Variants in IQCJ observed in about 807,000 individuals in gnomAD.
The protein encoded by IQCJ is IQ motif containing J, also known as IQ domain-containing protein J.
IQCJ carries 9 observed loss-of-function variants against 11.0 expected under a neutral mutation model. That is an observed-to-expected ratio of 0.82 (90% CI 0.49 to 1.43). IQCJ has a LOEUF of 1.43. Among genes scored for constraint, IQCJ ranks in the 40% most tolerant of loss-of-function variants. The pLI is 0.00. For synonymous variants in IQCJ, 55 were observed against 51.3 expected, an observed-to-expected ratio of 1.07 and a Z score of -0.31; for missense variants, 146 against 133.2, an observed-to-expected ratio of 1.10 and a Z score of -0.47.
At chr3:159,187,676 C>T (rs552256044) in intron 1 of IQCJ, among the ~76,000 whole-genome samples, 38 of 152,180 alleles carry the variant, frequency 2.5e-4, no homozygotes, top group Non-Finnish European at 5.3e-4. Context: ...CAGGGAAGCT[C>T]GAAGGATGGC....
chr3:159,090,911 A>T (rs946541533), intron 1 of IQCJ, among the ~76,000 whole-genome samples: 6 of 151,980 alleles, frequency 3.9e-5, no homozygotes, highest in African/African-American at 1.5e-4. Context: ...GGAATAAGGG[A>T]TAAAATGTGG....
rs184918675 is a variant in IQCJ at position 159,229,912 on chromosome 3, T to G, written c.10-15931T>G. The stretch of plus-strand genomic sequence containing the variant: ...GCCACCTCAACCACAGTTTTGTTAA[T>G]TTTTTTTTAAATTTCAGCTTTGATT... On this transcript the variant is annotated intron_variant, in intron 1 of 3. Transcript: ENST00000397832. Among the ~76,000 whole-genome samples, 610 of 133,144 alleles carry G rather than the reference T, an allele frequency of 4.6e-3. 3 individuals are homozygous for G. The highest frequency in any genetic ancestry group is 7.7e-3 in the Non-Finnish European group (487 of 62,972). The allele number at this position is 133,144 out of a possible 152,430, so 87.3% of individuals were successfully genotyped here. A position where few individuals can be genotyped will look rare whatever the true frequency, so the allele number is the denominator to read the frequency against.
At chr3:159,224,230 C>G (rs1324922857) in intron 1 of IQCJ, among the ~76,000 whole-genome samples, 1 of 152,096 alleles carries the variant, frequency 6.6e-6, no homozygotes, top group Non-Finnish European at 1.5e-5. Context: ...GAGGCTCCCA[C>G]TGCCCCAAAG....
intron 1 of IQCJ, among the ~76,000 whole-genome samples, chr3:159,182,743 G>A (rs142352275): frequency 0.043 from 6,554 of 151,442 alleles, 531 homozygotes; most frequent in African/African-American, 0.15. Context: ...ATAGATAACC[G>A]ATTAGGTCAG....
intron 1 of IQCJ, among the ~76,000 whole-genome samples, chr3:159,201,350 T>C (rs771757104): frequency 6.6e-6 from 1 of 152,188 alleles, no homozygotes; most frequent in South Asian, 2.1e-4. Context: ...TATGGTAGTG[T>C]GATTTAGAAA....
intron 2 of IQCJ, among the ~76,000 whole-genome samples, chr3:159,247,022 C>G (rs1727316260): frequency 6.6e-6 from 1 of 152,126 alleles, no homozygotes; most frequent in Non-Finnish European, 1.5e-5. Context: ...GGAGCACAGC[C>G]AACACTCCTG....
intron 1 of IQCJ, among the ~76,000 whole-genome samples, chr3:159,240,201 A>C (rs1440789599): frequency 6.6e-6 from 1 of 152,190 alleles, no homozygotes; most frequent in Non-Finnish European, 1.5e-5. Flanking sequence ...CATGTTAAAT[A>C]TTGCAAAGGA....
At chr3:159,261,087 T>G (rs1412243903) in intron 3 of IQCJ, among the ~76,000 whole-genome samples, 4 of 152,226 alleles carry the variant, frequency 2.6e-5, no homozygotes, top group Non-Finnish European at 5.9e-5. Context: ...ATTTATATGC[T>G]GTGACCATTG....
intron 1 of IQCJ, among the ~76,000 whole-genome samples, chr3:159,194,755 A>G (rs1427887323): frequency 6.6e-6 from 1 of 152,164 alleles, no homozygotes; most frequent in Non-Finnish European, 1.5e-5. Context: ...GAACCATGCA[A>G]GCTTCCTAGA....
intron 1 of IQCJ, among the ~76,000 whole-genome samples, chr3:159,197,423 A>G (rs1051205588): frequency 3.3e-5 from 5 of 152,080 alleles, no homozygotes; most frequent in African/African-American, 9.6e-5. Context: ...CCTCCCTTCA[A>G]TCTGTCTTTG....
intron 1 of IQCJ, among the ~76,000 whole-genome samples, chr3:159,086,794 T>A (rs558747650): frequency 1.4e-3 from 212 of 152,308 alleles, no homozygotes; most frequent in Non-Finnish European, 1.9e-3. Flanking sequence ...CTGAAGTTGC[T>A]TATCAGCTTA....
At chr3:159,215,885 A>G (rs1725197441) in intron 1 of IQCJ, among the ~76,000 whole-genome samples, 1 of 152,004 alleles carries the variant, frequency 6.6e-6, no homozygotes, top group Non-Finnish European at 1.5e-5. Flanking sequence ...CCCCTACAAG[A>G]TCAAGTGCCT....
At chr3:159,215,816 T>C (rs76458339) in intron 1 of IQCJ, among the ~76,000 whole-genome samples, 5,363 of 152,146 alleles carry the variant, frequency 0.035, 287 homozygotes, top group African/African-American at 0.12. Context: ...GCATTATTTT[T>C]TTAGTGAAGC....
At chr3:159,088,046 G>T (rs892596258) in intron 1 of IQCJ, among the ~76,000 whole-genome samples, 1 of 151,850 alleles carries the variant, frequency 6.6e-6, no homozygotes, top group Admixed American at 6.6e-5. Flanking sequence ...GCTTTCTCTT[G>T]TGGGCATTTA....
intron 1 of IQCJ, among the ~76,000 whole-genome samples, chr3:159,072,508 A>C (rs1345083515): frequency 6.6e-6 from 1 of 152,128 alleles, no homozygotes; most frequent in Non-Finnish European, 1.5e-5. Flanking sequence ...GTTGGGCTTT[A>C]AATTTTTCAA....
chr3:159,257,369 G>C (rs376020364), intron 3 of IQCJ, among the ~76,000 whole-genome samples: 2 of 152,296 alleles, frequency 1.3e-5, no homozygotes, highest in South Asian at 4.2e-4. Context: ...ATAAAGAAAA[G>C]AGTGTTATAG....
intron 1 of IQCJ, among the ~76,000 whole-genome samples, chr3:159,199,309 A>G (rs774099512): frequency 2.7e-4 from 41 of 152,206 alleles, no homozygotes; most frequent in Non-Finnish European, 5.6e-4. Flanking sequence ...GTCATAATTA[A>G]AGAAAAAGTT....
At chr3:159,135,060 C>A (rs1420353166) in intron 1 of IQCJ, among the ~76,000 whole-genome samples, 4 of 152,088 alleles carry the variant, frequency 2.6e-5, no homozygotes, top group African/African-American at 9.7e-5. Context: ...TAGAGGGAGG[C>A]CATCCTCTAT....
chr3:159,082,129 A>G (rs1177995549), intron 1 of IQCJ, among the ~76,000 whole-genome samples: 1 of 152,188 alleles, frequency 6.6e-6, no homozygotes, highest in African/African-American at 2.4e-5. Context: ...GTGGGAAAGT[A>G]AGAGGAGCTA....
Sources: allele counts gnomAD v4.1 joint callset (sites outside exome capture counted in the v4.1 genomes callset), GRCh38; gene constraint gnomAD v4.1.1; transcripts MANE v1.5; gene names NCBI Gene and HGNC (gene_info 2026-07-23, HGNC 2026-07-21).